Variants in CTNNA3 observed in about 807,000 individuals in gnomAD.
CTNNA3 encodes the protein catenin alpha-3.
In CTNNA3, 76 loss-of-function variants were observed where a neutral mutation model predicts 95.7. That is an observed-to-expected ratio of 0.79 (90% CI 0.66 to 0.96). The LOEUF (loss-of-function observed/expected upper bound fraction) is 0.96. Ranked by LOEUF, CTNNA3 falls within the 40% of genes least tolerant of loss-of-function variation. The pLI is 0.00. For synonymous variants in CTNNA3, 431 were observed against 374.4 expected (o/e 1.15, Z -1.74); for missense variants, 1,191 against 1,089.8 (o/e 1.09, Z -1.31).
chr10:66,452,017 C>A (rs1204555176), intron 11 of CTNNA3, among the ~76,000 whole-genome samples: 1 of 152,122 alleles, frequency 6.6e-6, no homozygotes, highest in African/African-American at 2.4e-5. Flanking sequence ...CTTCCTATTT[C>A]TGAATGGTTC....
intron 2 of CTNNA3, among the ~76,000 whole-genome samples, chr10:67,642,913 C>T (rs146643782): frequency 0.12 from 17,932 of 148,516 alleles, 2,011 homozygotes; most frequent in African/African-American, 0.3. Context: ...GACAGCGTGG[C>T]GATTTCTCAA....
At chr10:66,173,703 G>C (rs1425401002) in intron 13 of CTNNA3, among the ~76,000 whole-genome samples, 1 of 152,020 alleles carries the variant, frequency 6.6e-6, no homozygotes, top group Non-Finnish European at 1.5e-5. Context: ...AAAAAAGACT[G>C]TTGCAGTACA....
chr10:66,215,536 A>C (rs2088475831), intron 13 of CTNNA3, among the ~76,000 whole-genome samples: 2 of 152,196 alleles, frequency 1.3e-5, no homozygotes, highest in African/African-American at 4.8e-5. Flanking sequence ...ATTGCAAATC[A>C]ATATTAGAAG....
chr10:67,084,680 T>G (rs1172987392), intron 7 of CTNNA3, among the ~76,000 whole-genome samples: 1 of 151,810 alleles, frequency 6.6e-6, no homozygotes, highest in Non-Finnish European at 1.5e-5. Flanking sequence ...AATGGACACT[T>G]AAATAACAGA....
chr10:65,941,021 A>G (rs533508692), intron 17 of CTNNA3, among the ~76,000 whole-genome samples: 1 of 152,368 alleles, frequency 6.6e-6, no homozygotes, highest in South Asian at 2.1e-4. Context: ...TATAGATAAG[A>G]AAAAGAAGAT....
chr10:67,317,910 T>G (rs1841129011), intron 5 of CTNNA3, among the ~76,000 whole-genome samples: 1 of 67,920 alleles, frequency 1.5e-5, no homozygotes, highest in Non-Finnish European at 6.5e-5. Flanking sequence ...AAACCACAGT[T>G]GAATCTCTTT....
At chr10:67,230,850 T>A (rs1865161074) in intron 5 of CTNNA3, among the ~76,000 whole-genome samples, 1 of 152,178 alleles carries the variant, frequency 6.6e-6, no homozygotes, top group African/African-American at 2.4e-5. Context: ...GGTGAGGCAT[T>A]GCCTCACTCG....
intron 15 of CTNNA3, among the ~76,000 whole-genome samples, chr10:66,061,135 CAAGG>C (rs2080188190): frequency 1.3e-5 from 2 of 152,000 alleles, no homozygotes. Flanking sequence ...GGCCCTTCAC[CAAGG>C]AGAAATCATG....
intron 15 of CTNNA3, among the ~76,000 whole-genome samples, chr10:65,997,427 C>T (rs1013535395): frequency 6.6e-6 from 1 of 152,178 alleles, no homozygotes; most frequent in Non-Finnish European, 1.5e-5. Context: ...GGTTAGCCAA[C>T]AGAATACTAC....
At chr10:66,030,400 G>A (rs1279436969) in intron 15 of CTNNA3, among the ~76,000 whole-genome samples, 1 of 151,974 alleles carries the variant, frequency 6.6e-6, no homozygotes, top group African/African-American at 2.4e-5. Context: ...CAGAAATAAA[G>A]GTGAGCATCT....
At chr10:66,383,322 G>A (rs567602756) in intron 11 of CTNNA3, among the ~76,000 whole-genome samples, 2 of 152,104 alleles carry the variant, frequency 1.3e-5, no homozygotes, top group Admixed American at 6.6e-5. Flanking sequence ...TAGCAGATTC[G>A]ATCAAGTGGA....
intron 7 of CTNNA3, among the ~76,000 whole-genome samples, chr10:66,968,750 C>T (rs1849567804): frequency 6.6e-6 from 1 of 152,042 alleles, no homozygotes; most frequent in Admixed American, 6.6e-5. Context: ...GGCATGGTGG[C>T]TCACACCTGT....
intron 6 of CTNNA3, among the ~76,000 whole-genome samples, chr10:67,194,472 T>G (rs909751583): frequency 6.6e-6 from 1 of 151,992 alleles, no homozygotes; most frequent in African/African-American, 2.4e-5. Flanking sequence ...AAATGCTGCA[T>G]CCTATGTAAT....
At chr10:66,079,662 T>A (rs1019956695) in intron 14 of CTNNA3, among the ~76,000 whole-genome samples, 1 of 151,972 alleles carries the variant, frequency 6.6e-6, no homozygotes, top group Non-Finnish European at 1.5e-5. Flanking sequence ...ATTCTAAATA[T>A]GGCATTTGCT....
intron 15 of CTNNA3, among the ~76,000 whole-genome samples, chr10:66,034,631 T>G (rs1466799431): frequency 1.3e-5 from 2 of 152,346 alleles, no homozygotes; most frequent in Non-Finnish European, 2.9e-5. Flanking sequence ...TAACTAGTTT[T>G]AGATCATTTA....
intron 15 of CTNNA3, among the ~76,000 whole-genome samples, chr10:66,041,072 A>G (rs1240390046): frequency 2.6e-5 from 4 of 152,210 alleles, no homozygotes; most frequent in Admixed American, 1.3e-4. Flanking sequence ...CACCAGTAAT[A>G]AGACATACTG....
At chr10:67,124,423 A>T (rs1219222123) in intron 7 of CTNNA3, among the ~76,000 whole-genome samples, 2 of 133,836 alleles carry the variant, frequency 1.5e-5, no homozygotes, top group African/African-American at 6.2e-5. Context: ...TTTACTCCCA[A>T]TCATAAACAA....
rs555408233 is a variant in CTNNA3, at chr10:66,502,516, T to C, written c.1531+18101A>G. ...TTGTAGATAACACTGAAGTCCTATA[T>C]GAACTCTTCCTCAGTCTCGTACCTC... On this transcript the variant is annotated intron_variant, in intron 11 of 17. Coordinates refer to ENST00000433211, the MANE Select transcript of CTNNA3 (RefSeq NM_013266.4). Among the ~76,000 whole-genome samples the C allele has an allele frequency of 2.0e-5, 3 of 152,282 alleles. No individual in the cohort carries two copies. The South Asian group carries it at 6.2e-4, about 32-fold the overall frequency.
In CTNNA3 at chr10:66,333,412, G is replaced by A. The variant is rs373346203; in HGVS notation, c.1732+45740C>T. Among the ~76,000 whole-genome samples the A allele has an allele frequency of 4.5e-4, 68 of 152,054 alleles. 1 individual carries two copies. In the South Asian group the frequency reaches 0.014, roughly 31 times the overall value. On this transcript the variant is annotated intron_variant, in intron 12 of 17. Coordinates refer to ENST00000433211, the MANE Select transcript of CTNNA3 (RefSeq NM_013266.4). Reference sequence around the variant, plus strand: ...CACACTTCTTTGAATGTGTCCCAGAGATTCTGGTATGTTGTGTCTTTGTTC... The same window carrying A: ...CACACTTCTTTGAATGTGTCCCAGAAATTCTGGTATGTTGTGTCTTTGTTC...
Sources: allele counts gnomAD v4.1 joint callset (sites outside exome capture counted in the v4.1 genomes callset), GRCh38; gene constraint gnomAD v4.1.1; transcripts MANE v1.5; gene names NCBI Gene and HGNC (gene_info 2026-07-23, HGNC 2026-07-21).